The following DNMBP variants were observed in gnomAD, a reference collection of about 807,000 sequenced individuals.
The protein encoded by DNMBP is dynamin-binding protein.
DNMBP carries 87 observed loss-of-function variants against 150.0 expected under a neutral mutation model. The ratio of observed to expected loss-of-function variants is 0.58; its 90% confidence interval spans 0.49 to 0.69. The LOEUF is 0.69. DNMBP is among the 30% of genes least tolerant of loss of function. DNMBP has a pLI of 0.00. For synonymous variants in DNMBP, 711 were observed against 750.4 expected, an observed-to-expected ratio of 0.95 and a Z score of 0.86; for missense variants, 1,774 against 1,949.0, an observed-to-expected ratio of 0.91 and a Z score of 1.69.
chr10:99,950,277 T>C (rs1305017897), intron 4 of DNMBP, among the ~76,000 whole-genome samples: 1 of 152,208 alleles, frequency 6.6e-6, no homozygotes, highest in Non-Finnish European at 1.5e-5. Flanking sequence ...TGTGGAACGA[T>C]AAGTCCATTA....
chr10:99,941,519 A>T (rs2040300531), intron 4 of DNMBP, among the ~76,000 whole-genome samples: 1 of 150,632 alleles, frequency 6.6e-6, no homozygotes, highest in African/African-American at 2.4e-5. Flanking sequence ...CCCAGACTGG[A>T]GTGCAATGGC....
intron 4 of DNMBP, among the ~76,000 whole-genome samples, chr10:99,944,612 C>T (rs2040337717): frequency 6.6e-6 from 1 of 152,052 alleles, no homozygotes; most frequent in Admixed American, 6.6e-5. Flanking sequence ...GCTATGTACC[C>T]AGCCCTTAGC....
chr10:100,004,689 A>C (rs1172035461), intron 1 of DNMBP, among the ~76,000 whole-genome samples: 1 of 152,212 alleles, frequency 6.6e-6, no homozygotes, highest in East Asian at 1.9e-4. Context: ...GGGTTCAGGA[A>C]GAGTTCCTTA....
intron 6 of DNMBP, among the ~76,000 whole-genome samples, chr10:99,907,340 AAC>A (rs923921567): frequency 1.7e-4 from 26 of 151,962 alleles, no homozygotes; most frequent in Non-Finnish European, 3.7e-4. Flanking sequence ...AAAAAAAAAC[AAC>A]AGATAAGTTT....
intron 11 of DNMBP, among the ~76,000 whole-genome samples, chr10:99,891,954 C>T (rs1310753075): frequency 3.3e-4 from 40 of 121,314 alleles, no homozygotes; most frequent in African/African-American, 6.5e-4. Context: ...CCGCCCCGTC[C>T]GGGAGGTGAG....
At chr10:99,933,290 T>C (rs1206362661) in intron 4 of DNMBP, among the ~76,000 whole-genome samples, 3 of 151,192 alleles carry the variant, frequency 2.0e-5, no homozygotes, top group Non-Finnish European at 3.0e-5. Flanking sequence ...ACTGAGACCC[T>C]GTCTCAAAAA....
intron 4 of DNMBP, among the ~76,000 whole-genome samples, chr10:99,944,335 A>G (rs1483555904): frequency 8.5e-5 from 13 of 152,180 alleles, no homozygotes; most frequent in Admixed American, 8.5e-4. Flanking sequence ...AAAGAAATGA[A>G]TGCACACCCT....
At chr10:99,939,316 T>TA (rs2040269135) in intron 4 of DNMBP, among the ~76,000 whole-genome samples, 1 of 152,228 alleles carries the variant, frequency 6.6e-6, no homozygotes, top group African/African-American at 2.4e-5. Context: ...CCTATGCTGT[T>TA]ACTTCATTAT....
At chr10:99,949,506 C>T (rs1243434768) in intron 4 of DNMBP, among the ~76,000 whole-genome samples, 3 of 152,126 alleles carry the variant, frequency 2.0e-5, no homozygotes, top group Non-Finnish European at 4.4e-5. Context: ...TTGTTGGATA[C>T]ACCTTTTATG....
At chr10:99,895,383 C>A (rs1477115304) in intron 10 of DNMBP, among the ~76,000 whole-genome samples, 1 of 152,220 alleles carries the variant, frequency 6.6e-6, no homozygotes, top group Non-Finnish European at 1.5e-5. Flanking sequence ...CCGCCTTGGC[C>A]TCCCAGAGTG....
At chr10:100,007,324 G>C (rs2041085001) in intron 1 of DNMBP, among the ~76,000 whole-genome samples, 1 of 152,154 alleles carries the variant, frequency 6.6e-6, no homozygotes, top group Non-Finnish European at 1.5e-5. Flanking sequence ...CGAGGGCTTA[G>C]TCTGTTTTGT....
intron 1 of DNMBP, among the ~76,000 whole-genome samples, chr10:99,978,631 TGCAGTG>T (rs972713445): frequency 3.3e-5 from 5 of 152,180 alleles, no homozygotes; most frequent in Non-Finnish European, 5.9e-5. Flanking sequence ...TAGGCTACAG[TGCAGTG>T]GCGTGATCTT....
At chr10:99,990,359 T>C (rs2040872107) in intron 1 of DNMBP, among the ~76,000 whole-genome samples, 1 of 151,750 alleles carries the variant, frequency 6.6e-6, no homozygotes, top group African/African-American at 2.4e-5. Flanking sequence ...TTGAGACCAG[T>C]CTGGGCAACA....
In DNMBP at chr10:99,992,526, GTTTTTTT is replaced by G. The variant is rs1164839351; in HGVS notation, c.-11+17305_-11+17311del. ...GCAGGTAGATTGCCTGAATCTAGGA[GTTTTTTT>G]TTTTTTTTTTTGAGACGGAGTCTGG... On this transcript the variant is annotated intron_variant, in intron 1 of 16. Transcript: ENST00000324109. 5.4e-3 allele frequency among the ~76,000 whole-genome samples: 699 copies of G among 129,596 alleles called. 8 individuals are homozygous for G. The highest frequency in any genetic ancestry group is 0.019 in the African/African-American group (651 of 34,148). The allele number at this position is 129,596 out of a possible 152,430, so 85.0% of individuals were successfully genotyped here. A position where few individuals can be genotyped will look rare whatever the true frequency, so the allele number is the denominator to read the frequency against.
Position 99,884,167 on chromosome 10 carries a change from G to A in DNMBP, c.3841C>T (p.Leu1281=), listed in dbSNP as rs777532425. Residue 1281 remains leucine (L), a synonymous_variant, in exon 15 of 17, where the codon CTG becomes TTG. Transcript: ENST00000324109. ...LQSEELRASL[L]ARYPPEKLFQ... The stretch of plus-strand genomic sequence containing the variant: ...AGTTTTTCAGGGGGATACCTGGCCA[G>A]GAGGGAGGCCCGGAGTTCTTCTGAC... The A allele has an allele frequency of 1.2e-6, 2 of 1,613,976 alleles. No homozygotes were observed. Among genetic ancestry groups the A allele is most frequent in the Non-Finnish European group, 1.7e-6 (2 of 1,180,038 alleles).
At chr10:99,998,819 A>G (rs1353002781) in intron 1 of DNMBP, among the ~76,000 whole-genome samples, 2 of 152,200 alleles carry the variant, frequency 1.3e-5, no homozygotes, top group East Asian at 3.8e-4. Flanking sequence ...TAGAACCAAA[A>G]GGTCTATAAA....
intron 4 of DNMBP, among the ~76,000 whole-genome samples, chr10:99,953,819 A>AAAAAAAAAAAG (rs1229016312): frequency 2.2e-5 from 3 of 133,530 alleles, no homozygotes; most frequent in South Asian, 2.3e-4. Context: ...GTCTCAAAAA[A>AAAAAAAAAAAG]AAAAAGAAAA....
At chr10:99,920,285 C>G (rs984465579) in intron 4 of DNMBP, among the ~76,000 whole-genome samples, 5 of 152,056 alleles carry the variant, frequency 3.3e-5, no homozygotes, top group Non-Finnish European at 7.4e-5. Flanking sequence ...ATGTTGGTCA[C>G]AGTGGCCTCA....
intron 4 of DNMBP, among the ~76,000 whole-genome samples, chr10:99,938,361 T>C (rs969551844): frequency 6.6e-6 from 1 of 152,134 alleles, no homozygotes; most frequent in Non-Finnish European, 1.5e-5. Flanking sequence ...CTGGCCAACA[T>C]GGTGTAACCC....
Sources: gnomAD v4.1 joint callset for allele counts (sites outside exome capture counted in the v4.1 genomes callset) on GRCh38, gnomAD v4.1.1 for gene constraint, MANE v1.5 for transcripts, NCBI Gene and HGNC (gene_info 2026-07-23, HGNC 2026-07-21) for gene names.